The following LRRC28 variants were observed in gnomAD, a reference collection of about 807,000 sequenced individuals.
LRRC28 encodes the protein leucine rich repeat containing 28, also known as leucine-rich repeat-containing protein 28.
A neutral mutation model predicts 45.7 loss-of-function variants in LRRC28; 39 were observed. The observed-to-expected ratio is 0.85, with a 90% CI of 0.66 to 1.12. The LOEUF is 1.12. LRRC28 is among the 50% of genes most tolerant of loss of function. LRRC28 has a pLI of 0.00. For synonymous variants in LRRC28, 206 were observed against 178.8 expected, an observed-to-expected ratio of 1.15 and a Z score of -1.22; for missense variants, 435 against 438.5, an observed-to-expected ratio of 0.99 and a Z score of 0.07.
intron 2 of LRRC28, among the ~76,000 whole-genome samples, chr15:99,276,354 G>A (rs1291249972): frequency 1.3e-5 from 2 of 151,936 alleles, no homozygotes; most frequent in Non-Finnish European, 2.9e-5. Context: ...AAAATGTTGG[G>A]GACCGCTGCT....
chr15:99,317,098 T>G (rs1410787294), intron 5 of LRRC28, among the ~76,000 whole-genome samples: 3 of 152,048 alleles, frequency 2.0e-5, no homozygotes, highest in Non-Finnish European at 4.4e-5. Context: ...TACGCAAGTA[T>G]GCCAGTGACC....
intron 5 of LRRC28, among the ~76,000 whole-genome samples, chr15:99,289,890 G>A (rs542505551): frequency 3.5e-4 from 43 of 124,108 alleles, no homozygotes; most frequent in Admixed American, 2.5e-3. Flanking sequence ...CCGAGATTGC[G>A]CCACTGCAGT....
Position 99,389,328 on chromosome 15 carries a change from G to A in LRRC28, c.*3226G>A, listed in dbSNP as rs552296705. ...AAGGCTTCAATACCAGTTGGCTTAT[G>A]AGGCTCTGCATATAATTTTCTCTAA... On this transcript the variant is annotated 3_prime_UTR_variant, in exon 10 of 10. Transcript: ENST00000301981. The A allele has an allele frequency of 1.6e-4, 25 of 152,280 alleles. No homozygotes were observed. Among genetic ancestry groups the A allele is most frequent in the African/African-American group, 6.0e-4 (25 of 41,534 alleles). 9.4% of individuals were successfully genotyped at this position (152,280 alleles called of 1,614,324 possible). A position where few individuals can be genotyped will look rare whatever the true frequency, so the allele number is the denominator to read the frequency against.
intron 5 of LRRC28, among the ~76,000 whole-genome samples, chr15:99,311,608 C>A (rs1311353804): frequency 6.6e-6 from 1 of 152,130 alleles, no homozygotes; most frequent in East Asian, 1.9e-4. Context: ...GACACACAGA[C>A]CCAATCTGGT....
intron 7 of LRRC28, 111 bp downstream of exon 7, chr15:99,352,582 C>T: frequency 1.3e-6 from 1 of 786,746 alleles, no homozygotes; most frequent in South Asian, 1.8e-5. Context: ...TCCTTAGAAA[C>T]TAAGGATATT....
At chr15:99,368,970 A>G (rs1246240217) in intron 9 of LRRC28, among the ~76,000 whole-genome samples, 1 of 152,202 alleles carries the variant, frequency 6.6e-6, no homozygotes, top group Non-Finnish European at 1.5e-5. Flanking sequence ...TCCTCAGCCA[A>G]ATATCCAAGT....
intron 6 of LRRC28, among the ~76,000 whole-genome samples, chr15:99,352,100 T>G (rs1956898984): frequency 6.6e-6 from 1 of 152,198 alleles, no homozygotes; most frequent in African/African-American, 2.4e-5. Flanking sequence ...CAGAGTTCTT[T>G]GCTAAAACTG....
chr15:99,384,796 C>T (rs150093344), intron 9 of LRRC28: 6 of 152,354 alleles, frequency 3.9e-5, no homozygotes, highest in South Asian at 2.1e-4. Flanking sequence ...GAAAGCCATT[C>T]GTGTACTCGC....
chr15:99,352,147 T>C (rs569607925), intron 6 of LRRC28, among the ~76,000 whole-genome samples: 16 of 152,242 alleles, frequency 1.1e-4, no homozygotes, highest in African/African-American at 3.6e-4. Flanking sequence ...TAGAAGAAGG[T>C]TTAGGAACCT....
chr15:99,332,281 A>G (rs1245868882), intron 5 of LRRC28, among the ~76,000 whole-genome samples: 1 of 152,130 alleles, frequency 6.6e-6, no homozygotes, highest in Non-Finnish European at 1.5e-5. Flanking sequence ...GTTAAGTTCA[A>G]GTAGAAAACT....
intron 5 of LRRC28, among the ~76,000 whole-genome samples, chr15:99,314,470 T>TA (rs1429623936): frequency 1.3e-5 from 2 of 151,820 alleles, no homozygotes; most frequent in Non-Finnish European, 2.9e-5. Context: ...AATAAATAAA[T>TA]AATTTTGTAA....
rs138563300 is a variant in LRRC28 at position 99,387,804 on chromosome 15, G to A, written c.*1702G>A. Reference sequence around the variant, plus strand: ...TAATTTCAGACTTATCAAAAATTTGGTTGAGGGAATTTTTATTAGCTGCCC... The same window carrying A: ...TAATTTCAGACTTATCAAAAATTTGATTGAGGGAATTTTTATTAGCTGCCC... On this transcript the variant is annotated 3_prime_UTR_variant, in exon 10 of 10. Coordinates refer to ENST00000301981, the MANE Select transcript of LRRC28 (RefSeq NM_144598.5). The A allele has an allele frequency of 2.5e-4, 38 of 152,150 alleles. No homozygotes were observed. The highest frequency in any genetic ancestry group is 8.9e-4 in the African/African-American group (37 of 41,504). The allele number at this position is 152,150 out of a possible 1,614,324, so 9.4% of individuals were successfully genotyped here. A position where few individuals can be genotyped will look rare whatever the true frequency, so the allele number is the denominator to read the frequency against.
intron 5 of LRRC28, among the ~76,000 whole-genome samples, chr15:99,307,084 A>T (rs1955212021): frequency 6.6e-6 from 1 of 152,328 alleles, no homozygotes; most frequent in South Asian, 2.1e-4. Flanking sequence ...AATTGCCATT[A>T]GACTGTATGT....
At chr15:99,294,944 C>T (rs985886846) in intron 5 of LRRC28, among the ~76,000 whole-genome samples, 1 of 152,234 alleles carries the variant, frequency 6.6e-6, no homozygotes, top group Non-Finnish European at 1.5e-5. Flanking sequence ...TTCCATTTCC[C>T]TGTGCCATGG....
intron 9 of LRRC28, among the ~76,000 whole-genome samples, chr15:99,370,709 C>T (rs1392685850): frequency 6.6e-6 from 1 of 152,036 alleles, no homozygotes; most frequent in Non-Finnish European, 1.5e-5. Context: ...TGTTATTAAG[C>T]AAGTTACATA....
intron 9 of LRRC28, among the ~76,000 whole-genome samples, chr15:99,378,751 G>C (rs1038874219): frequency 3.9e-5 from 6 of 152,178 alleles, no homozygotes; most frequent in African/African-American, 1.4e-4. Flanking sequence ...TAGCATGAAG[G>C]GCTGTTGACT....
In LRRC28 at chr15:99,385,355, AAAC is replaced by A. The variant is rs367821326; in HGVS notation, c.1032-669_1032-667del. ...ACAATCAGCACAGGGGGTCTTGTGG[AAAC>A]AACAAGAGAGTCTTCTCCCTCTACC... is the stretch of plus-strand genomic sequence containing the variant. On this transcript the variant is annotated intron_variant, in intron 9 of 9. Coordinates refer to ENST00000301981, the MANE Select transcript of LRRC28 (RefSeq NM_144598.5). 3.5e-3 allele frequency among the ~76,000 whole-genome samples: 528 copies of A among 152,342 alleles called. 6 individuals carry two copies. The highest frequency in any genetic ancestry group is 0.012 in the African/African-American group (490 of 41,572).
intron 6 of LRRC28, 120 bp from the exon 7 acceptor site, chr15:99,352,249 T>G: frequency 1.4e-6 from 1 of 711,308 alleles, no homozygotes; most frequent in Non-Finnish European, 2.3e-6. Flanking sequence ...TAACACTTTT[T>G]ATGGTTTTCT....
intron 5 of LRRC28, among the ~76,000 whole-genome samples, chr15:99,300,621 G>A (rs1001763160): frequency 6.6e-6 from 1 of 152,174 alleles, no homozygotes; most frequent in East Asian, 1.9e-4. Flanking sequence ...GAGGTCAGGA[G>A]TTTGAGACCA....
Sources: allele counts gnomAD v4.1 joint callset (sites outside exome capture counted in the v4.1 genomes callset), GRCh38; gene constraint gnomAD v4.1.1; transcripts MANE v1.5; gene names NCBI Gene and HGNC (gene_info 2026-07-23, HGNC 2026-07-21).